XRCC4: variants seen among roughly 807,000 people sequenced by gnomAD.
XRCC4 encodes the protein DNA repair protein XRCC4.
XRCC4 carries 28 observed loss-of-function variants against 39.1 expected under a neutral mutation model. The ratio of observed to expected loss-of-function variants is 0.72; its 90% CI spans 0.53 to 0.98. The LOEUF is 0.98. Among genes scored for constraint, XRCC4 ranks in the 50% least tolerant of loss-of-function variants. XRCC4 has a pLI of 0.00. For missense variants in XRCC4, 350 were observed against 376.4 expected, an observed-to-expected ratio of 0.93 and a Z score of 0.58; for synonymous variants, 123 against 126.4, an observed-to-expected ratio of 0.97 and a Z score of 0.18.
chr5:83,189,445 T>C (rs2731861), intron 3 of XRCC4, among the ~76,000 whole-genome samples: 69,082 of 151,972 alleles, frequency 0.45, 16,155 homozygotes, highest in South Asian at 0.52. Context: ...ACAATTTTGC[T>C]TACTTTTCAC....
At chr5:83,335,017 G>T (rs1388064663) in intron 7 of XRCC4, among the ~76,000 whole-genome samples, 1 of 151,904 alleles carries the variant, frequency 6.6e-6, no homozygotes, top group Non-Finnish European at 1.5e-5. Context: ...GTTGAGAGAA[G>T]ACAGAAAATT....
intron 6 of XRCC4, among the ~76,000 whole-genome samples, chr5:83,244,011 T>C (rs547212808): frequency 1.6e-4 from 25 of 152,212 alleles, no homozygotes; most frequent in Non-Finnish European, 3.5e-4. Context: ...AGGCAGGCTC[T>C]TAGAGCATAT....
chr5:83,280,026 CA>C, intron 7 of XRCC4: 2 of 199,336 alleles, frequency 1.0e-5, no homozygotes, highest in Non-Finnish European at 1.1e-5. Flanking sequence ...ACAACTTCAT[CA>C]AAAAACAATG....
At position 83,284,504 on chromosome 5, in the gene XRCC4, G is replaced by T. The variant is rs115197234; in HGVS notation, c.893+25827G>T. Reference sequence around the variant, plus strand: ...ACATCACATGTAGGAAATTTGGGGTGAATTTTTAAATATTTTTAAATGTCA... The same window carrying T: ...ACATCACATGTAGGAAATTTGGGGTTAATTTTTAAATATTTTTAAATGTCA... On this transcript the variant is annotated intron_variant, in intron 7 of 7. Transcript: ENST00000396027. 8.4e-3 allele frequency among the ~76,000 whole-genome samples: 1,284 copies of T among 152,124 alleles called. 12 individuals are homozygous for T. The highest frequency in any genetic ancestry group is 0.014 in the Non-Finnish European group (978 of 67,918).
At chr5:83,096,893 ACAGTCC>A (rs151047383) in intron 1 of XRCC4, among the ~76,000 whole-genome samples, 4,514 of 152,242 alleles carry the variant, frequency 0.03, 189 homozygotes, top group African/African-American at 0.1. Flanking sequence ...CTAGTTTCCC[ACAGTCC>A]CACTCGTCAT....
intron 7 of XRCC4, among the ~76,000 whole-genome samples, chr5:83,296,536 A>G (rs1330244144): frequency 2.6e-5 from 4 of 152,112 alleles, no homozygotes; most frequent in Non-Finnish European, 5.9e-5. Context: ...CTAAATTTAA[A>G]TCATGCTTAA....
At chr5:83,100,288 A>C (rs1438389304) in intron 1 of XRCC4, among the ~76,000 whole-genome samples, 1 of 152,140 alleles carries the variant, frequency 6.6e-6, no homozygotes, top group African/African-American at 2.4e-5. Context: ...AGTACCTAGA[A>C]TTAGAAAATT....
intron 7 of XRCC4, among the ~76,000 whole-genome samples, chr5:83,344,343 C>G (rs1249248427): frequency 6.6e-6 from 1 of 151,576 alleles, no homozygotes; most frequent in Admixed American, 6.6e-5. Context: ...TTCAAGGGAT[C>G]CTCCTGCTTC....
intron 7 of XRCC4, among the ~76,000 whole-genome samples, chr5:83,303,010 C>A (rs980720192): frequency 2.0e-5 from 3 of 151,958 alleles, no homozygotes; most frequent in Admixed American, 2.0e-4. Context: ...GTCAGGAGTT[C>A]GAGATTAGCC....
intron 2 of XRCC4, among the ~76,000 whole-genome samples, chr5:83,107,121 G>A (rs1220457410): frequency 1.3e-5 from 2 of 151,976 alleles, no homozygotes; most frequent in Admixed American, 6.6e-5. Flanking sequence ...AGTGCACTAT[G>A]TGGTCATTTT....
In XRCC4 at chr5:83,195,834, T is replaced by C. The variant is rs762419679; in HGVS notation, c.380T>C (p.Ile127Thr). The part of the protein sequence containing the change: ...ENPAEVIREL[I>T]CYCLDTIAEN... ...CCAGCTGAAGTCATTAGAGAACTTATTTGTTATTGCTTGGACACCATTGCA... is the reference window on the plus strand; with the variant it reads ...CCAGCTGAAGTCATTAGAGAACTTACTTGTTATTGCTTGGACACCATTGCA... The change falls in exon 4 of 8, where the codon ATT (isoleucine) becomes ACT (threonine). Residue 127 changes from isoleucine (I) to threonine (T), a missense_variant. Physicochemically the swap from Ile to Thr is moderately conservative, Grantham distance 89. Coordinates refer to ENST00000396027, the MANE Select transcript of XRCC4 (RefSeq NM_003401.5). 1.4e-5 allele frequency: 23 copies of C among 1,611,992 alleles called. No individual in the cohort carries two copies. The highest frequency in any genetic ancestry group is 2.7e-5 in the African/African-American group (2 of 74,882).
intron 6 of XRCC4, among the ~76,000 whole-genome samples, chr5:83,234,661 G>A (rs1267804678): frequency 6.6e-6 from 1 of 152,118 alleles, no homozygotes; most frequent in Non-Finnish European, 1.5e-5. Flanking sequence ...TGCTGGTTAT[G>A]AAGTCATCCA....
intron 6 of XRCC4, among the ~76,000 whole-genome samples, chr5:83,207,572 GT>G (rs1459363892): frequency 6.6e-6 from 1 of 151,966 alleles, no homozygotes; most frequent in Non-Finnish European, 1.5e-5. Context: ...AAAAAGAAAT[GT>G]TTAGGAAACA....
chr5:83,120,142 C>T (rs995458687), intron 3 of XRCC4, among the ~76,000 whole-genome samples: 3 of 152,074 alleles, frequency 2.0e-5, no homozygotes, highest in Non-Finnish European at 4.4e-5. Context: ...TTCAGTTAAT[C>T]TACTTCAGCA....
intron 7 of XRCC4, among the ~76,000 whole-genome samples, chr5:83,271,089 G>A (rs7730154): frequency 0.19 from 29,542 of 152,074 alleles, 6,548 homozygotes; most frequent in African/African-American, 0.55. Flanking sequence ...CCTGATTGAA[G>A]TTTTCTGTTG....
intron 7 of XRCC4, among the ~76,000 whole-genome samples, chr5:83,338,353 G>A (rs1580527827): frequency 1.3e-5 from 2 of 152,110 alleles, no homozygotes; most frequent in East Asian, 1.9e-4. Flanking sequence ...TAGCTTTCTT[G>A]TAATAGCAAA....
In XRCC4 at chr5:83,156,547, G is replaced by A. The variant is rs147809772; in HGVS notation, c.316-39223G>A. On this transcript the variant is annotated intron_variant, in intron 3 of 7. Coordinates refer to ENST00000396027, the MANE Select transcript of XRCC4 (RefSeq NM_003401.5). ...ATCAGAGATTCTGGTTATTTAGTCA[G>A]TATGTCTCAAATTTTTTTTCACTGA... Among the ~76,000 whole-genome samples the A allele has an allele frequency of 4.9e-4, 74 of 152,188 alleles. 1 individual carries two copies. The East Asian group carries it at 0.013, about 27-fold the overall frequency.
chr5:83,085,465 T>C (rs1233257749), intron 1 of XRCC4, among the ~76,000 whole-genome samples: 1 of 128,860 alleles, frequency 7.8e-6, no homozygotes, highest in Non-Finnish European at 1.6e-5. Context: ...AAGTTAAAGT[T>C]TAAATGTTTA....
At chr5:83,080,736 A>G (rs1379787819) in intron 1 of XRCC4, among the ~76,000 whole-genome samples, 1 of 152,106 alleles carries the variant, frequency 6.6e-6, no homozygotes, top group Non-Finnish European at 1.5e-5. Context: ...CGTGTGTTCT[A>G]GGAATACTTA....
Sources: allele counts gnomAD v4.1 joint callset (sites outside exome capture counted in the v4.1 genomes callset), GRCh38; gene constraint gnomAD v4.1.1; transcripts MANE v1.5; gene names NCBI Gene and HGNC (gene_info 2026-07-23, HGNC 2026-07-21).